Variants in AGBL1 observed in about 807,000 individuals in gnomAD.
AGBL1 encodes the protein cytosolic carboxypeptidase 4.
In AGBL1, 130 loss-of-function variants were observed where a neutral mutation model predicts 118.9. The observed-to-expected ratio is 1.09, with a 90% CI of 0.95 to 1.26. AGBL1 has a LOEUF of 1.26. Among genes scored for constraint, AGBL1 ranks in the 50% most tolerant of loss-of-function variants. AGBL1 has a pLI of 0.00. For missense variants in AGBL1, 1,584 were observed against 1,298.1 expected, an observed-to-expected ratio of 1.22 and a Z score of -3.38; for synonymous variants, 555 against 478.9, an observed-to-expected ratio of 1.16 and a Z score of -2.08.
chr15:86,564,143 A>G (rs866955197), intron 21 of AGBL1, among the ~76,000 whole-genome samples: 2 of 152,156 alleles, frequency 1.3e-5, no homozygotes, highest in Admixed American at 6.5e-5. Context: ...TAAGGTTAAT[A>G]TTGTTAGGTG....
At chr15:86,637,543 G>A (rs185933971) in intron 21 of AGBL1, among the ~76,000 whole-genome samples, 2 of 152,270 alleles carry the variant, frequency 1.3e-5, no homozygotes, top group African/African-American at 2.4e-5. Context: ...ATGATTCTGT[G>A]CTATGGGAAT....
At chr15:86,471,372 T>C (rs2082476657) in intron 18 of AGBL1, among the ~76,000 whole-genome samples, 1 of 152,194 alleles carries the variant, frequency 6.6e-6, no homozygotes, top group Admixed American at 6.5e-5. Flanking sequence ...TGATGAACCA[T>C]CTTTGTATCT....
At chr15:87,011,611 T>C (rs1188171989) in intron 24 of AGBL1, among the ~76,000 whole-genome samples, 2 of 152,166 alleles carry the variant, frequency 1.3e-5, no homozygotes, top group Non-Finnish European at 2.9e-5. Flanking sequence ...ACAGTCATTA[T>C]AGGAAAAAGG....
At chr15:86,656,321 T>TAGAAAGAA (rs1306273087) in intron 21 of AGBL1, among the ~76,000 whole-genome samples, 1 of 152,204 alleles carries the variant, frequency 6.6e-6, no homozygotes, top group Non-Finnish European at 1.5e-5. Flanking sequence ...CTAGCATTAT[T>TAGAAAGAA]AGAAAGAAAG....
At chr15:86,853,292 G>A (rs1333861957) in intron 22 of AGBL1, among the ~76,000 whole-genome samples, 2 of 152,104 alleles carry the variant, frequency 1.3e-5, no homozygotes, top group Non-Finnish European at 1.5e-5. Context: ...AGTTTCACAC[G>A]TCTAATGCTC....
intron 22 of AGBL1, among the ~76,000 whole-genome samples, chr15:86,728,414 T>C (rs567023171): frequency 2.9e-4 from 44 of 152,306 alleles, no homozygotes; most frequent in Non-Finnish European, 4.0e-4. Flanking sequence ...TTGGAGCCTG[T>C]CCACAACTGC....
intron 5 of AGBL1, among the ~76,000 whole-genome samples, chr15:86,207,658 A>G (rs2078016847): frequency 1.3e-5 from 2 of 152,098 alleles, no homozygotes; most frequent in South Asian, 4.1e-4. Context: ...TTGCACATCG[A>G]TTTTGTTTCC....
rs2079030506 is a variant in AGBL1 at position 86,263,832 on chromosome 15, A to G, written c.1087-426A>G. Among the ~76,000 whole-genome samples the G allele has an allele frequency of 1.3e-5, 2 of 152,196 alleles. 1 individual carries two copies. Among genetic ancestry groups the G allele is most frequent in the South Asian group, 4.1e-4 (2 of 4,824 alleles). On this transcript the variant is annotated intron_variant, in intron 10 of 22. Coordinates refer to ENST00000614907, the MANE Select transcript of AGBL1 (RefSeq NM_001386094.1). ...TAAGTCATGTGTACAGAGGGAGTTAATATATTCTATTTGGCTTCAGAAAGC... is the reference window on the plus strand; with the variant it reads ...TAAGTCATGTGTACAGAGGGAGTTAGTATATTCTATTTGGCTTCAGAAAGC...
intron 22 of AGBL1, among the ~76,000 whole-genome samples, chr15:86,702,177 G>T (rs1054509281): frequency 6.6e-6 from 1 of 152,012 alleles, no homozygotes; most frequent in Non-Finnish European, 1.5e-5. Context: ...GTAAAGAGAG[G>T]TTTACTTTTT....
At chr15:86,185,982 T>C (rs1377790762) in intron 5 of AGBL1, among the ~76,000 whole-genome samples, 1 of 152,216 alleles carries the variant, frequency 6.6e-6, no homozygotes, top group African/African-American at 2.4e-5. Context: ...GTTCAGCTTT[T>C]GTTTTTGAAA....
chr15:86,546,600 G>A (rs1369086232), intron 20 of AGBL1, among the ~76,000 whole-genome samples: 1 of 152,142 alleles, frequency 6.6e-6, no homozygotes, highest in Non-Finnish European at 1.5e-5. Context: ...TAAATAGGAA[G>A]GGATGAATAA....
chr15:86,270,076 G>A lies in AGBL1; in HGVS notation c.1987+9G>A, dbSNP rs749455953. On this transcript the variant is annotated intron_variant, in intron 14 of 22. Coordinates refer to ENST00000614907, the MANE Select transcript of AGBL1 (RefSeq NM_001386094.1). ...CAGCCAGTTTAATTATGGTATGAACGCTTGGGGAGCAGGGGCTTTCTGGAA... is the reference window on the plus strand; with the variant it reads ...CAGCCAGTTTAATTATGGTATGAACACTTGGGGAGCAGGGGCTTTCTGGAA... The A allele has an allele frequency of 1.6e-5, 25 of 1,606,304 alleles. No homozygotes were observed. Among genetic ancestry groups the A allele is most frequent in the East Asian group, 9.0e-5 (4 of 44,678 alleles).
At chr15:86,504,293 T>C (rs2082949310) in intron 18 of AGBL1, among the ~76,000 whole-genome samples, 1 of 151,590 alleles carries the variant, frequency 6.6e-6, no homozygotes, top group Non-Finnish European at 1.5e-5. Context: ...TTTAACCCAT[T>C]GTGTCTTTGA....
In AGBL1 at chr15:86,178,366, G is replaced by A. The variant is rs540461223; in HGVS notation, c.488+19340G>A. ...AATCCAGACTGATAAGAAAAAGAGA[G>A]AAGACACAAATGACCAGTATCAGAA... On this transcript the variant is annotated intron_variant, in intron 5 of 22. Transcript: ENST00000614907. Among the ~76,000 whole-genome samples the A allele has an allele frequency of 5.9e-5, 9 of 152,206 alleles. No individual in the cohort carries two copies. The East Asian group carries it at 1.7e-3, about 29-fold the overall frequency.
At chr15:86,647,593 C>T (rs534251623) in intron 21 of AGBL1, among the ~76,000 whole-genome samples, 3 of 152,024 alleles carry the variant, frequency 2.0e-5, no homozygotes, top group East Asian at 1.9e-4. Flanking sequence ...CCCAGCTACT[C>T]GGAAGGCTGA....
chr15:86,659,504 A>G (rs757947377), intron 21 of AGBL1, among the ~76,000 whole-genome samples: 7 of 152,082 alleles, frequency 4.6e-5, no homozygotes, highest in Non-Finnish European at 1.0e-4. Context: ...GTCTATAGCA[A>G]CTGTTGCCCC....
intron 6 of AGBL1, 86 bp from the exon 7 acceptor site, chr15:86,247,585 T>A: frequency 7.6e-7 from 1 of 1,307,570 alleles, no homozygotes; most frequent in Non-Finnish European, 1.1e-6. Flanking sequence ...TTAATAAGTA[T>A]CTTGTGGGAA....
chr15:86,127,635 A>C (rs907470891), intron 1 of AGBL1, among the ~76,000 whole-genome samples: 1 of 152,238 alleles, frequency 6.6e-6, no homozygotes, highest in African/African-American at 2.4e-5. Flanking sequence ...CAAGCTATCT[A>C]TCTTCCAGAG....
intron 16 of AGBL1, among the ~76,000 whole-genome samples, chr15:86,288,605 A>G (rs1012085293): frequency 6.6e-6 from 1 of 152,082 alleles, no homozygotes; most frequent in Non-Finnish European, 1.5e-5. Flanking sequence ...TTTTGGGGGA[A>G]TAATCTAATG....
Sources: gnomAD v4.1 joint callset for allele counts (sites outside exome capture counted in the v4.1 genomes callset) on GRCh38, gnomAD v4.1.1 for gene constraint, MANE v1.5 for transcripts, NCBI Gene and HGNC (gene_info 2026-07-23, HGNC 2026-07-21) for gene names.